GLIS3: variants seen among roughly 807,000 people sequenced by gnomAD.
GLIS3 encodes zinc finger protein GLIS3.
GLIS3 carries 53 observed loss-of-function variants against 78.6 expected under a neutral mutation model. The ratio of observed to expected loss-of-function variants is 0.67; its 90% CI spans 0.54 to 0.85. The LOEUF (loss-of-function observed/expected upper bound fraction) is 0.85. Ranked by LOEUF, GLIS3 falls within the 40% of genes least tolerant of loss-of-function variation. The probability of loss-of-function intolerance (pLI) is 0.00; values close to 1 mark genes in which losing one functional copy is unlikely to be tolerated. For synonymous variants in GLIS3, 684 were observed against 509.9 expected, an observed-to-expected ratio of 1.34 and a Z score of -4.60; for missense variants, 1,703 against 1,231.1, an observed-to-expected ratio of 1.38 and a Z score of -5.74.
intron 5 of GLIS3, among the ~76,000 whole-genome samples, chr9:3,935,634 T>C (rs983548071): frequency 1.3e-5 from 2 of 152,212 alleles, no homozygotes; most frequent in Non-Finnish European, 2.9e-5. Flanking sequence ...TCTTCCATGA[T>C]AAAGGTTAAT....
chr9:4,361,802 A>G, the GLIS3 span, among the ~76,000 whole-genome samples: 1 of 152,184 alleles, frequency 6.6e-6, no homozygotes, highest in Admixed American at 6.5e-5. Context: ...TTAAAACCCT[A>G]AATTTGGTTG....
the GLIS3 span, among the ~76,000 whole-genome samples, chr9:4,487,984 G>A: frequency 2.0e-5 from 3 of 152,116 alleles, no homozygotes; most frequent in Non-Finnish European, 2.9e-5. Flanking sequence ...GAGCCAACAC[G>A]CCCAGCTCTA....
In GLIS3 at chr9:4,118,103, G is replaced by T; in HGVS notation, c.1375C>A (p.Pro459Thr). 1 of 1,552,530 alleles carries T rather than the reference G, an allele frequency of 6.4e-7. No homozygotes were observed. Among genetic ancestry groups the T allele is most frequent in the Non-Finnish European group, 8.7e-7 (1 of 1,148,226 alleles). Residue 459 changes from proline (P) to threonine (T), a missense_variant, in exon 4 of 11, where the codon CCA (proline) becomes ACA (threonine). Coordinates refer to ENST00000381971, the MANE Select transcript of GLIS3 (RefSeq NM_001042413.2). This position sits in a 1 kb window ranked among gnomAD's most constrained non-coding sequence, Gnocchi z 4.7. ...LPPLPPPPGP[P>T]PPYHAHAHLH... Reference sequence around the variant, plus strand: ...TGCGCATGGGCATGGTAAGGGGGTGGGGGGCCTGGGGGCGGCGGCAGAGGA... The same window carrying T: ...TGCGCATGGGCATGGTAAGGGGGTGTGGGGCCTGGGGGCGGCGGCAGAGGA...
the GLIS3 span, among the ~76,000 whole-genome samples, chr9:4,382,635 A>AAT: frequency 6.6e-6 from 1 of 152,086 alleles, no homozygotes; most frequent in African/African-American, 2.4e-5. Context: ...TCCTCAGAAA[A>AAT]ATATAGATAC....
chr9:4,413,047 CT>C, the GLIS3 span, among the ~76,000 whole-genome samples: 1 of 152,174 alleles, frequency 6.6e-6, no homozygotes, highest in Non-Finnish European at 1.5e-5. Context: ...TAGAGTTTGT[CT>C]GTTTCAACAT....
At chr9:4,250,817 G>C (rs200763944) in intron 2 of GLIS3, among the ~76,000 whole-genome samples, 2 of 152,126 alleles carry the variant, frequency 1.3e-5, no homozygotes, top group African/African-American at 2.4e-5. Flanking sequence ...TTGTGTCTTT[G>C]TTCTCATTGG....
intron 2 of GLIS3, among the ~76,000 whole-genome samples, chr9:4,156,030 C>T (rs902170498): frequency 6.6e-6 from 1 of 152,094 alleles, no homozygotes. Flanking sequence ...CCAAATAAAT[C>T]CCTGAACTCC....
At chr9:4,440,815 G>C in the GLIS3 span, among the ~76,000 whole-genome samples, 1 of 152,036 alleles carries the variant, frequency 6.6e-6, no homozygotes, top group Non-Finnish European at 1.5e-5. Context: ...TCATTTACTT[G>C]TGTCTTCTTC....
At chr9:4,443,917 C>G in the GLIS3 span, among the ~76,000 whole-genome samples, 4 of 152,328 alleles carry the variant, frequency 2.6e-5, no homozygotes, top group South Asian at 6.2e-4. Context: ...TACAATTCCA[C>G]TGTGTGTGTC....
chr9:4,143,996 A>G (rs1184193733), intron 2 of GLIS3, among the ~76,000 whole-genome samples: 1 of 152,224 alleles, frequency 6.6e-6, no homozygotes, highest in Non-Finnish European at 1.5e-5. Flanking sequence ...AAACATAGTG[A>G]GCACCTTAGT....
intron 8 of GLIS3, among the ~76,000 whole-genome samples, chr9:3,872,039 T>C (rs1588127566): frequency 6.6e-6 from 1 of 152,156 alleles, no homozygotes; most frequent in African/African-American, 2.4e-5. Flanking sequence ...CTAAATCAGC[T>C]CTCTCAAGTT....
intron 4 of GLIS3, among the ~76,000 whole-genome samples, chr9:3,961,504 G>A (rs1218488110): frequency 6.6e-6 from 1 of 152,178 alleles, no homozygotes; most frequent in African/African-American, 2.4e-5. Context: ...AAGCCAGTCA[G>A]AATAACATTC....
the GLIS3 span, among the ~76,000 whole-genome samples, chr9:4,481,416 G>A: frequency 3.3e-5 from 5 of 151,982 alleles, no homozygotes; most frequent in African/African-American, 9.7e-5. Context: ...CCTGGGAGGT[G>A]TATGTTGCAG....
At chr9:3,903,768 AAAAG>A (rs1239041993) in intron 6 of GLIS3, among the ~76,000 whole-genome samples, 1 of 152,202 alleles carries the variant, frequency 6.6e-6, no homozygotes, top group Admixed American at 6.5e-5. Flanking sequence ...GGAAAAAAGA[AAAAG>A]AAGATAAAGG....
At chr9:4,027,916 G>T (rs918303850) in intron 4 of GLIS3, among the ~76,000 whole-genome samples, 1 of 152,158 alleles carries the variant, frequency 6.6e-6, no homozygotes, top group African/African-American at 2.4e-5. Context: ...CCAGCTGAAG[G>T]CCAGCTCAGA....
chr9:4,062,928 C>CAA (rs879931011), intron 4 of GLIS3, among the ~76,000 whole-genome samples: 4 of 127,570 alleles, frequency 3.1e-5, no homozygotes, highest in Admixed American at 8.0e-5. Flanking sequence ...GACTCCATTT[C>CAA]AAAAAAAAAA....
intron 2 of GLIS3, among the ~76,000 whole-genome samples, chr9:4,346,433 G>T (rs578245445): frequency 1.6e-4 from 24 of 152,268 alleles, no homozygotes; most frequent in Admixed American, 1.4e-3. Context: ...TTAAAAGGAT[G>T]AAGAGCCATA....
At chr9:4,203,483 T>C (rs904340973) in intron 2 of GLIS3, among the ~76,000 whole-genome samples, 7 of 152,214 alleles carry the variant, frequency 4.6e-5, no homozygotes, top group Non-Finnish European at 8.8e-5. Context: ...CCTGCACATG[T>C]AGCCTGGAAC....
the GLIS3 span, among the ~76,000 whole-genome samples, chr9:4,446,337 G>C: frequency 6.6e-6 from 1 of 152,118 alleles, no homozygotes; most frequent in Non-Finnish European, 1.5e-5. Context: ...CATCGATGAA[G>C]TAGGAAGCTA....
Sources: gnomAD v4.1 joint callset for allele counts (sites outside exome capture counted in the v4.1 genomes callset) on GRCh38, gnomAD v4.1.1 for gene constraint, Gnocchi (gnomAD v3.1) non-coding constraint, MANE v1.5 for transcripts, NCBI Gene and HGNC (gene_info 2026-07-23, HGNC 2026-07-21) for gene names.